Variants in STX8 observed in about 807,000 individuals in gnomAD.
STX8 encodes syntaxin-8.
Under a neutral mutation model 37.5 loss-of-function variants are expected in STX8, and 23 were observed. The observed-to-expected ratio is 0.61, with a 90% CI of 0.44 to 0.87. The LOEUF is 0.87. STX8 is among the 40% of genes least tolerant of loss of function. The pLI is 0.00. For synonymous variants in STX8, 115 were observed against 99.1 expected (o/e 1.16, Z -0.95); for missense variants, 313 against 284.7 (o/e 1.10, Z -0.71).
chr17:9,522,303 A>G (rs573538973), intron 4 of STX8, among the ~76,000 whole-genome samples: 1 of 152,278 alleles, frequency 6.6e-6, no homozygotes, highest in East Asian at 1.9e-4. Flanking sequence ...ACAACAGTCC[A>G]GGAGGGCCAA....
At chr17:9,292,364 G>A (rs1357365551) in intron 7 of STX8, among the ~76,000 whole-genome samples, 2 of 152,222 alleles carry the variant, frequency 1.3e-5, no homozygotes, top group South Asian at 2.1e-4. Context: ...ACCACCGTGT[G>A]GTGGAAGGGA....
rs1199843109 is a variant in STX8, at chr17:9,359,501, ATAT to A, written c.643+19048_643+19050del. Among the ~76,000 whole-genome samples, 96 of 111,688 alleles carry A rather than the reference ATAT, an allele frequency of 8.6e-4. 1 individual carries two copies. Among genetic ancestry groups the A allele is most frequent in the Middle Eastern group, 5.3e-3 (1 of 188 alleles). The allele number at this position is 111,688 out of a possible 152,430, so 73.3% of individuals were successfully genotyped here. ...TCCTGGTATTCCACAATGCTGAGACATATTTTTTTTTTTTTTTTTTTTTTGGGA... is the reference window on the plus strand; with the variant it reads ...TCCTGGTATTCCACAATGCTGAGACATTTTTTTTTTTTTTTTTTTTTGGGA... On this transcript the variant is annotated intron_variant, in intron 7 of 7. Transcript: ENST00000306357.
intron 7 of STX8, among the ~76,000 whole-genome samples, chr17:9,362,242 A>T (rs1911083977): frequency 6.6e-6 from 1 of 152,178 alleles, no homozygotes; most frequent in African/African-American, 2.4e-5. Context: ...AAGCATAAGA[A>T]TCGCTTGAAC....
At chr17:9,261,482 C>G (rs2142127511) in intron 7 of STX8, among the ~76,000 whole-genome samples, 1 of 152,272 alleles carries the variant, frequency 6.6e-6, no homozygotes, top group Non-Finnish European at 1.5e-5. Context: ...AAAATCAACC[C>G]TATCTCTACC....
intron 7 of STX8, among the ~76,000 whole-genome samples, chr17:9,284,616 T>C (rs1444397015): frequency 1.3e-5 from 2 of 152,142 alleles, no homozygotes; most frequent in Non-Finnish European, 2.9e-5. Flanking sequence ...TAAAAGTGTA[T>C]AAAGCTACTC....
intron 4 of STX8, among the ~76,000 whole-genome samples, chr17:9,526,053 C>A (rs1905555890): frequency 6.6e-6 from 1 of 152,160 alleles, no homozygotes; most frequent in South Asian, 2.1e-4. Flanking sequence ...GGAATACTGT[C>A]CCTACGAACA....
At chr17:9,431,133 G>C (rs1330852095) in intron 6 of STX8, among the ~76,000 whole-genome samples, 1 of 151,746 alleles carries the variant, frequency 6.6e-6, no homozygotes, top group Non-Finnish European at 1.5e-5. Context: ...TGGGATTACA[G>C]GTGTAAGCCA....
intron 6 of STX8, among the ~76,000 whole-genome samples, chr17:9,409,958 T>G (rs1912926477): frequency 6.6e-6 from 1 of 152,208 alleles, no homozygotes; most frequent in Non-Finnish European, 1.5e-5. Flanking sequence ...CCAGCTGATT[T>G]TTAAAAGATT....
chr17:9,559,380 A>G (rs1391417577), intron 2 of STX8, among the ~76,000 whole-genome samples: 3 of 152,140 alleles, frequency 2.0e-5, no homozygotes, highest in Non-Finnish European at 4.4e-5. Flanking sequence ...AGGACCATAT[A>G]CTATCAACAA....
At chr17:9,429,193 T>C (rs1913751521) in intron 6 of STX8, among the ~76,000 whole-genome samples, 1 of 151,042 alleles carries the variant, frequency 6.6e-6, no homozygotes, top group African/African-American at 2.4e-5. Context: ...AATTACATAG[T>C]TTTTGGAATG....
intron 6 of STX8, among the ~76,000 whole-genome samples, chr17:9,465,998 C>A (rs1261743956): frequency 6.6e-6 from 1 of 151,418 alleles, no homozygotes; most frequent in African/African-American, 2.4e-5. Context: ...CAGATGGAGT[C>A]TCGCTCTTGT....
intron 7 of STX8, among the ~76,000 whole-genome samples, chr17:9,279,054 G>GTTT (rs201339409): frequency 9.5e-5 from 10 of 105,740 alleles, no homozygotes; most frequent in Admixed American, 2.1e-4. Flanking sequence ...CTGTGTGTGT[G>GTTT]TTTTTTGTTT....
intron 6 of STX8, among the ~76,000 whole-genome samples, chr17:9,440,816 C>T (rs1334098518): frequency 1.3e-5 from 2 of 151,604 alleles, no homozygotes; most frequent in African/African-American, 2.4e-5. Flanking sequence ...TGAGCCACCG[C>T]ATCCAGCCTG....
At chr17:9,357,867 GT>G (rs1408314114) in intron 7 of STX8, among the ~76,000 whole-genome samples, 2 of 152,174 alleles carry the variant, frequency 1.3e-5, no homozygotes. Context: ...GAAGATGACA[GT>G]TTCTCTAATG....
At chr17:9,330,860 T>A (rs1029088198) in intron 7 of STX8, among the ~76,000 whole-genome samples, 1 of 152,150 alleles carries the variant, frequency 6.6e-6, no homozygotes, top group Non-Finnish European at 1.5e-5. Context: ...GAAAGACAGA[T>A]CCCGCTTACA....
chr17:9,416,081 G>A (rs562488314), intron 6 of STX8, among the ~76,000 whole-genome samples: 1 of 152,272 alleles, frequency 6.6e-6, no homozygotes, highest in African/African-American at 2.4e-5. Flanking sequence ...ATCTCCAAGT[G>A]TCTCCAGAGC....
At chr17:9,435,721 A>C (rs1038401196) in intron 6 of STX8, among the ~76,000 whole-genome samples, 1 of 152,214 alleles carries the variant, frequency 6.6e-6, no homozygotes, top group African/African-American at 2.4e-5. Context: ...CCTTTAGATA[A>C]TAAGAAAACA....
At chr17:9,563,468 G>A (rs918886184) in intron 2 of STX8, among the ~76,000 whole-genome samples, 1 of 152,112 alleles carries the variant, frequency 6.6e-6, no homozygotes, top group African/African-American at 2.4e-5. Flanking sequence ...ACAGGCGTGA[G>A]TCACCGCGCC....
At chr17:9,453,058 G>A (rs536734054) in intron 6 of STX8, among the ~76,000 whole-genome samples, 4 of 152,116 alleles carry the variant, frequency 2.6e-5, no homozygotes, top group African/African-American at 4.8e-5. Context: ...TGCCCGCCTC[G>A]GCCTCCCAAA....
Sources: allele counts gnomAD v4.1 joint callset (sites outside exome capture counted in the v4.1 genomes callset), GRCh38; gene constraint gnomAD v4.1.1; transcripts MANE v1.5; gene names NCBI Gene and HGNC (gene_info 2026-07-23, HGNC 2026-07-21).